Variants in MARCHF3 observed in about 807,000 individuals in gnomAD.
MARCHF3 encodes E3 ubiquitin-protein ligase MARCHF3.
In MARCHF3, 13 loss-of-function variants were observed where a neutral mutation model predicts 24.2. The observed-to-expected ratio is 0.54, with a 90% CI of 0.35 to 0.85. MARCHF3 has a LOEUF of 0.85. MARCHF3 is among the 40% of genes least tolerant of loss of function. The probability of loss-of-function intolerance (pLI) is 0.01; values close to 1 mark genes in which losing one functional copy is unlikely to be tolerated. For synonymous variants in MARCHF3, 144 were observed against 137.3 expected (o/e 1.05, Z -0.34); for missense variants, 276 against 325.0 (o/e 0.85, Z 1.16).
intron 1 of MARCHF3, among the ~76,000 whole-genome samples, chr5:126,999,790 C>T (rs1472816156): frequency 1.3e-5 from 2 of 152,094 alleles, no homozygotes; most frequent in Non-Finnish European, 2.9e-5. Flanking sequence ...AAATAAGATA[C>T]TGTCATCCTC....
intron 1 of MARCHF3, among the ~76,000 whole-genome samples, chr5:127,021,412 G>A (rs955323756): frequency 6.6e-6 from 1 of 152,158 alleles, no homozygotes; most frequent in South Asian, 2.1e-4. Flanking sequence ...TATAAATTTT[G>A]CATGTAACAG....
intron 1 of MARCHF3, among the ~76,000 whole-genome samples, chr5:126,942,128 C>T (rs1434259306): frequency 6.6e-6 from 1 of 152,194 alleles, no homozygotes; most frequent in Non-Finnish European, 1.5e-5. Flanking sequence ...AACACTGTTT[C>T]TCATGTGGCT....
Position 127,014,541 on chromosome 5 carries a change from A to G in MARCHF3, c.-57+15809T>C, listed in dbSNP as rs1325776296. The stretch of plus-strand genomic sequence containing the variant: ...TACAGCACTATTCACAATAGCCAAA[A>G]TATGGAATCAACCTAAGTGTCCATC... On this transcript the variant is annotated intron_variant, in intron 1 of 4. Coordinates refer to ENST00000308660, the MANE Select transcript of MARCHF3 (RefSeq NM_178450.5). Among the ~76,000 whole-genome samples the G allele has an allele frequency of 3.3e-5, 5 of 152,212 alleles. No individual in the cohort carries two copies. In the East Asian group the frequency reaches 9.6e-4, roughly 29 times the overall value.
At chr5:126,876,275 A>G (rs1170465367) in intron 4 of MARCHF3, among the ~76,000 whole-genome samples, 2 of 152,258 alleles carry the variant, frequency 1.3e-5, no homozygotes, top group Non-Finnish European at 2.9e-5. Context: ...TTGAAAGCCC[A>G]GCATTTAAGC....
intron 1 of MARCHF3, among the ~76,000 whole-genome samples, chr5:126,997,151 T>C (rs1219051040): frequency 2.0e-5 from 3 of 152,210 alleles, no homozygotes; most frequent in African/African-American, 7.2e-5. Flanking sequence ...GACCAATAGA[T>C]ACCAGATGTT....
At chr5:126,961,380 A>G (rs943659757) in intron 1 of MARCHF3, among the ~76,000 whole-genome samples, 4 of 152,172 alleles carry the variant, frequency 2.6e-5, no homozygotes, top group African/African-American at 9.7e-5. Flanking sequence ...TGGGGTGTTC[A>G]ATCCCCAATC....
At chr5:126,926,436 C>T (rs577941134) in intron 1 of MARCHF3, among the ~76,000 whole-genome samples, 1 of 152,290 alleles carries the variant, frequency 6.6e-6, no homozygotes, top group South Asian at 2.1e-4. Context: ...TAAGCAAGGT[C>T]ACTCAGCTTG....
At chr5:127,008,220 G>A (rs1024674415) in intron 1 of MARCHF3, among the ~76,000 whole-genome samples, 6 of 152,120 alleles carry the variant, frequency 3.9e-5, no homozygotes, top group Admixed American at 2.0e-4. Flanking sequence ...CTCTAGTGAC[G>A]TTTCCAACTG....
intron 3 of MARCHF3, among the ~76,000 whole-genome samples, chr5:126,890,289 TC>T (rs971761916): frequency 3.6e-4 from 53 of 146,528 alleles, no homozygotes; most frequent in African/African-American, 1.3e-3. Flanking sequence ...TGGTATGTTT[TC>T]TTTTTTATTA....
chr5:126,966,905 C>CTT (rs779454094), intron 1 of MARCHF3, among the ~76,000 whole-genome samples: 1 of 4,498 alleles, frequency 2.2e-4, no homozygotes, highest in Non-Finnish European at 4.3e-4. Context: ...CTGTGAGAGC[C>CTT]TTTTTTTTTT....
intron 1 of MARCHF3, among the ~76,000 whole-genome samples, chr5:127,020,741 C>T (rs190006145): frequency 3.3e-5 from 5 of 152,176 alleles, no homozygotes; most frequent in East Asian, 3.9e-4. Context: ...ATCACAGCTA[C>T]TCGGGAAGCT....
At chr5:127,005,782 T>G (rs1752291755) in intron 1 of MARCHF3, among the ~76,000 whole-genome samples, 1 of 152,162 alleles carries the variant, frequency 6.6e-6, no homozygotes, top group South Asian at 2.1e-4. Flanking sequence ...CATGTCATGT[T>G]CATGCATACT....
intron 1 of MARCHF3, among the ~76,000 whole-genome samples, chr5:126,993,269 C>T (rs1268237671): frequency 2.0e-5 from 3 of 152,186 alleles, no homozygotes; most frequent in African/African-American, 7.2e-5. Flanking sequence ...TAGAGGCCAA[C>T]TCCATCGTCT....
At chr5:126,922,091 A>G (rs148379004) in intron 1 of MARCHF3, among the ~76,000 whole-genome samples, 2 of 152,358 alleles carry the variant, frequency 1.3e-5, no homozygotes, top group East Asian at 3.9e-4. Context: ...CCATGGGAAC[A>G]TGGCTGGCAT....
At chr5:126,964,695 T>G (rs1750746511) in intron 1 of MARCHF3, among the ~76,000 whole-genome samples, 1 of 152,230 alleles carries the variant, frequency 6.6e-6, no homozygotes, top group Admixed American at 6.5e-5. Flanking sequence ...AGATACATCT[T>G]AATCTCTCAA....
At chr5:126,985,572 C>G (rs563982819) in intron 1 of MARCHF3, among the ~76,000 whole-genome samples, 14 of 151,578 alleles carry the variant, frequency 9.2e-5, no homozygotes, top group African/African-American at 3.4e-4. Flanking sequence ...TGGGTTCAAG[C>G]AATTCCCCTG....
rs1223785375 is a variant in MARCHF3, at chr5:127,030,531, T to A, written c.-238A>T. 3 of 152,444 alleles carry A rather than the reference T, an allele frequency of 2.0e-5. No individual in the cohort carries two copies. The highest frequency in any genetic ancestry group is 7.2e-5 in the African/African-American group (3 of 41,442). The allele number at this position is 152,444 out of a possible 1,614,324, so 9.4% of individuals were successfully genotyped here. ...GGCCACACAGTCGCCCACAGCGCGC[T>A]GACAATTCACGGACCTGCTCAACGA... is the stretch of plus-strand genomic sequence containing the variant. On this transcript the variant is annotated 5_prime_UTR_variant, in exon 1 of 5. Coordinates refer to ENST00000308660, the MANE Select transcript of MARCHF3 (RefSeq NM_178450.5).
intron 1 of MARCHF3, among the ~76,000 whole-genome samples, chr5:126,956,140 G>A (rs1444122900): frequency 6.6e-6 from 1 of 152,094 alleles, no homozygotes; most frequent in Non-Finnish European, 1.5e-5. Flanking sequence ...AAATGAATAG[G>A]TCTCAGATTT....
At chr5:126,935,852 C>A (rs2126806581) in intron 1 of MARCHF3, among the ~76,000 whole-genome samples, 1 of 152,044 alleles carries the variant, frequency 6.6e-6, no homozygotes, top group South Asian at 2.1e-4. Flanking sequence ...CTCAGGTGAT[C>A]CACCCACCTC....
Sources: allele counts gnomAD v4.1 joint callset (sites outside exome capture counted in the v4.1 genomes callset), GRCh38; gene constraint gnomAD v4.1.1; transcripts MANE v1.5; gene names NCBI Gene and HGNC (gene_info 2026-07-23, HGNC 2026-07-21).